Variants in ARID1B observed in about 807,000 individuals in gnomAD.
ARID1B encodes AT-rich interaction domain 1B, also known as AT-rich interactive domain-containing protein 1B.
In ARID1B, 30 loss-of-function variants were observed where a neutral mutation model predicts 212.3. The observed-to-expected ratio is 0.14, with a 90% confidence interval of 0.11 to 0.19. ARID1B has a LOEUF of 0.19. ARID1B is among the 10% of genes least tolerant of loss of function. The probability of loss-of-function intolerance (pLI) is 1.00; values close to 1 mark genes in which losing one functional copy is unlikely to be tolerated. For missense variants in ARID1B, 2,891 were observed against 3,204.0 expected, an observed-to-expected ratio of 0.90 and a Z score of 2.36; for synonymous variants, 1,402 against 1,301.7, an observed-to-expected ratio of 1.08 and a Z score of -1.66.
At chr6:156,995,892 AG>A (rs1347596549) in intron 4 of ARID1B, among the ~76,000 whole-genome samples, 3 of 152,222 alleles carry the variant, frequency 2.0e-5, no homozygotes, top group Non-Finnish European at 4.4e-5. Flanking sequence ...CATATTACAT[AG>A]GACATGTTAC....
intron 5 of ARID1B, among the ~76,000 whole-genome samples, chr6:157,097,188 ACT>A (rs1785698176): frequency 2.0e-5 from 3 of 152,198 alleles, no homozygotes; most frequent in Admixed American, 1.3e-4. Flanking sequence ...GAAATTTTAA[ACT>A]CTGTAAGAAA....
At chr6:157,156,844 G>A (rs941228825) in intron 8 of ARID1B, among the ~76,000 whole-genome samples, 5 of 152,162 alleles carry the variant, frequency 3.3e-5, no homozygotes, top group African/African-American at 7.2e-5. Context: ...TGCTCCGGAC[G>A]CTTCCTCCTT....
rs531009550 is a variant in ARID1B at position 157,145,495 on chromosome 6, G to A, written c.2762-3129G>A. On this transcript the variant is annotated intron_variant, in intron 7 of 19. Coordinates refer to ENST00000636930, the MANE Select transcript of ARID1B (RefSeq NM_001374828.1). ...GCGTCGCCTGTAGGGAATAACACAC[G>A]CCTCCCGGACAGCCAAATGAAAATG... Among the ~76,000 whole-genome samples, 8 of 152,214 alleles carry A rather than the reference G, an allele frequency of 5.3e-5. No homozygotes were observed. The South Asian group carries it at 1.2e-3, about 24-fold the overall frequency.
intron 2 of ARID1B, among the ~76,000 whole-genome samples, chr6:156,852,825 C>T (rs765108096): frequency 3.3e-5 from 5 of 152,202 alleles, no homozygotes; most frequent in Non-Finnish European, 7.3e-5. Context: ...AGGAGCCTCT[C>T]GTTTCATGTT....
chr6:157,134,899 T>A (rs7761397), intron 7 of ARID1B, among the ~76,000 whole-genome samples: 44,671 of 151,940 alleles, frequency 0.29, 8,326 homozygotes, highest in African/African-American at 0.53. Flanking sequence ...AACTCTTAAG[T>A]CCATAAGCCC....
At chr6:157,141,938 C>T (rs1007853523) in intron 7 of ARID1B, among the ~76,000 whole-genome samples, 4 of 152,208 alleles carry the variant, frequency 2.6e-5, no homozygotes, top group Non-Finnish European at 4.4e-5. Flanking sequence ...AAAGATGAAA[C>T]ATATTCCTAC....
intron 5 of ARID1B, among the ~76,000 whole-genome samples, chr6:157,106,381 G>A (rs1786485194): frequency 6.6e-6 from 1 of 152,188 alleles, no homozygotes; most frequent in African/African-American, 2.4e-5. Flanking sequence ...TCATCTGGAG[G>A]CTCGACTAGG....
intron 6 of ARID1B, among the ~76,000 whole-genome samples, chr6:157,125,354 C>T (rs1453173648): frequency 1.3e-5 from 2 of 152,098 alleles, no homozygotes; most frequent in Non-Finnish European, 2.9e-5. Flanking sequence ...TGTGGGTGGT[C>T]ATTTCTTGAC....
intron 6 of ARID1B, among the ~76,000 whole-genome samples, chr6:157,125,120 G>A (rs931848575): frequency 6.6e-6 from 1 of 152,180 alleles, no homozygotes; most frequent in African/African-American, 2.4e-5. Context: ...GGCTAAGTTT[G>A]GCCTTCAGCC....
At chr6:156,882,715 T>C (rs566981060) in intron 2 of ARID1B, among the ~76,000 whole-genome samples, 1 of 152,340 alleles carries the variant, frequency 6.6e-6, no homozygotes, top group East Asian at 1.9e-4. Flanking sequence ...GTAAATGAGA[T>C]CGTCTGTGTG....
intron 2 of ARID1B, among the ~76,000 whole-genome samples, chr6:156,870,747 A>T (rs1025596161): frequency 3.9e-5 from 6 of 152,064 alleles, no homozygotes; most frequent in Admixed American, 2.0e-4. Context: ...AAAAAGTCAC[A>T]TATATCCAGC....
Position 157,186,685 on chromosome 6 carries a change from G to A in ARID1B, c.3919+2250G>A, listed in dbSNP as rs139347578. 893 of 361,448 alleles carry A rather than the reference G, an allele frequency of 2.5e-3. 7 individuals are homozygous for A. Among genetic ancestry groups the A allele is most frequent in the African/African-American group, 0.017 (799 of 46,658 alleles). 22.4% of individuals were successfully genotyped at this position (361,448 alleles called of 1,614,324 possible). Reference sequence around the variant, plus strand: ...ACACAAATTTACGGTAAAAATGTATGTTCTTTGAAGTCACTTTTTCCTGGA... The same window carrying A: ...ACACAAATTTACGGTAAAAATGTATATTCTTTGAAGTCACTTTTTCCTGGA... On this transcript the variant is annotated intron_variant, in intron 13 of 19. Coordinates refer to ENST00000636930, the MANE Select transcript of ARID1B (RefSeq NM_001374828.1).
chr6:156,980,437 C>T lies in ARID1B; in HGVS notation c.2247+44861C>T, dbSNP rs1583070761. ...GGTGGAGGTAGCAGTGAGCCGAGAT[C>T]ATGCCATTGCACTCCAGCCTGGGCG... On this transcript the variant is annotated intron_variant, in intron 4 of 19. Transcript: ENST00000636930. Among the ~76,000 whole-genome samples, 4 of 152,224 alleles carry T rather than the reference C, an allele frequency of 2.6e-5. No individual in the cohort carries two copies. In the South Asian group the frequency reaches 8.3e-4, roughly 32 times the overall value.
chr6:156,934,946 A>AGTT (rs1562494832), intron 3 of ARID1B, among the ~76,000 whole-genome samples: 1 of 91,192 alleles, frequency 1.1e-5, no homozygotes, highest in African/African-American at 4.0e-5. Flanking sequence ...ATATATATAT[A>AGTT]TATATATATA....
chr6:156,968,783 A>C (rs1378696459), intron 4 of ARID1B, among the ~76,000 whole-genome samples: 1 of 152,244 alleles, frequency 6.6e-6, no homozygotes, highest in Non-Finnish European at 1.5e-5. Context: ...AATGGGAGTC[A>C]AGGCTCCTTC....
intron 4 of ARID1B, among the ~76,000 whole-genome samples, chr6:157,008,629 G>A (rs1583133869): frequency 6.6e-6 from 1 of 152,190 alleles, no homozygotes; most frequent in Non-Finnish European, 1.5e-5. Flanking sequence ...TTAGTTGGAA[G>A]GATTTTAGGC....
chr6:157,122,578 C>G (rs573282342), intron 6 of ARID1B, among the ~76,000 whole-genome samples: 78 of 152,354 alleles, frequency 5.1e-4, no homozygotes, highest in African/African-American at 1.9e-3. Flanking sequence ...TTGCCCGGGT[C>G]GGGCTCATAC....
Position 157,053,331 on chromosome 6 carries a change from C to T in ARID1B, c.2248-31331C>T, listed in dbSNP as rs550194648. 2.6e-5 allele frequency among the ~76,000 whole-genome samples: 4 copies of T among 152,250 alleles called. No homozygotes were observed. The East Asian group carries it at 7.7e-4, about 29-fold the overall frequency. On this transcript the variant is annotated intron_variant, in intron 4 of 19. Transcript: ENST00000636930. The stretch of plus-strand genomic sequence containing the variant: ...GAACTCCTGAGCTCAGGCAATCTGC[C>T]CACCTCAGCCTCCCAAAGTTCTGGG...
chr6:156,862,158 A>G (rs903273867), intron 2 of ARID1B, among the ~76,000 whole-genome samples: 2 of 152,198 alleles, frequency 1.3e-5, no homozygotes, highest in Non-Finnish European at 2.9e-5. Context: ...GGAGTTGTGG[A>G]TGGTGAAGAG....
Sources: allele counts gnomAD v4.1 joint callset (sites outside exome capture counted in the v4.1 genomes callset), GRCh38; gene constraint gnomAD v4.1.1; transcripts MANE v1.5; gene names NCBI Gene and HGNC (gene_info 2026-07-23, HGNC 2026-07-21).